GRIK2: variants seen among roughly 807,000 people sequenced by gnomAD.
GRIK2 encodes glutamate ionotropic receptor kainate type subunit 2, also known as glutamate receptor ionotropic, kainate 2.
A neutral mutation model predicts 100.3 loss-of-function variants in GRIK2; 32 were observed. That is an observed-to-expected ratio of 0.32 (90% confidence interval 0.24 to 0.43). The LOEUF (loss-of-function observed/expected upper bound fraction) is 0.43, where lower values mean the gene tolerates loss of function less well. GRIK2 is among the 20% of genes least tolerant of loss of function. The probability of loss-of-function intolerance (pLI) is 1.00; values close to 1 mark genes in which losing one functional copy is unlikely to be tolerated. For missense variants in GRIK2, 843 were observed against 1,114.9 expected, an observed-to-expected ratio of 0.76 and a Z score of 3.47; for synonymous variants, 417 against 389.4, an observed-to-expected ratio of 1.07 and a Z score of -0.83.
intron 14 of GRIK2, among the ~76,000 whole-genome samples, chr6:102,021,286 T>C (rs1236421756): frequency 1.3e-5 from 2 of 151,660 alleles, no homozygotes; most frequent in African/African-American, 4.8e-5. Context: ...ATAAAATCCT[T>C]ATAAGGAAAT....
At chr6:101,989,789 A>C (rs528523633) in intron 14 of GRIK2, among the ~76,000 whole-genome samples, 1 of 151,726 alleles carries the variant, frequency 6.6e-6, no homozygotes, top group South Asian at 2.1e-4. Flanking sequence ...AAAGAAGGCT[A>C]ATAAACTCCT....
intron 11 of GRIK2, among the ~76,000 whole-genome samples, chr6:101,872,023 C>T (rs934204447): frequency 9.2e-5 from 14 of 151,942 alleles, no homozygotes; most frequent in African/African-American, 3.4e-4. Context: ...TCTTCACAGC[C>T]TTGCCAATAT....
chr6:101,656,539 A>C (rs1303819312), intron 4 of GRIK2, among the ~76,000 whole-genome samples: 1 of 152,148 alleles, frequency 6.6e-6, no homozygotes, highest in Non-Finnish European at 1.5e-5. Context: ...AACCTTTACC[A>C]CAAATTTAGT....
rs117414628 is a variant in GRIK2, at chr6:102,069,837, T to C, written c.*1326T>C. ...ATTTTTATCAAGAAAAAAGGAATCATAGAAGAGAAATATTTTCAAGTTAGA... is the reference window on the plus strand; with the variant it reads ...ATTTTTATCAAGAAAAAAGGAATCACAGAAGAGAAATATTTTCAAGTTAGA... On this transcript the variant is annotated 3_prime_UTR_variant, in exon 17 of 17. Coordinates refer to ENST00000369134, the MANE Select transcript of GRIK2 (RefSeq NM_021956.5). The C allele has an allele frequency of 6.6e-6, 1 of 151,998 alleles. No individual in the cohort carries two copies. The highest frequency in any genetic ancestry group is 1.5e-5 in the Non-Finnish European group (1 of 67,948). 9.4% of individuals were successfully genotyped at this position (151,998 alleles called of 1,614,324 possible). A position where few individuals can be genotyped will look rare whatever the true frequency, so the allele number is the denominator to read the frequency against.
intron 10 of GRIK2, among the ~76,000 whole-genome samples, chr6:101,844,916 T>G (rs1287234601): frequency 6.6e-6 from 1 of 152,172 alleles, no homozygotes; most frequent in African/African-American, 2.4e-5. Context: ...TGTGCAGATA[T>G]CACCACTATC....
chr6:101,463,246 A>T (rs1470906138), intron 2 of GRIK2, among the ~76,000 whole-genome samples: 1 of 152,146 alleles, frequency 6.6e-6, no homozygotes, highest in Non-Finnish European at 1.5e-5. Context: ...AAAAAGTATG[A>T]GTTAAAAAAA....
chr6:101,693,768 T>C (rs2128348424), intron 7 of GRIK2, among the ~76,000 whole-genome samples: 1 of 152,172 alleles, frequency 6.6e-6, no homozygotes, highest in Non-Finnish European at 1.5e-5. Context: ...TGTAGGATCA[T>C]ATGCATATAT....
At chr6:101,902,785 G>A (rs1449984985) in intron 12 of GRIK2, among the ~76,000 whole-genome samples, 2 of 151,716 alleles carry the variant, frequency 1.3e-5, no homozygotes, top group East Asian at 3.9e-4. Flanking sequence ...AGATAATTTA[G>A]TTGCAATATT....
intron 12 of GRIK2, among the ~76,000 whole-genome samples, chr6:101,909,855 AT>A (rs1788548137): frequency 6.6e-6 from 1 of 151,264 alleles, no homozygotes; most frequent in East Asian, 1.9e-4. Context: ...GCATTAAGAA[AT>A]AATGCAATTT....
intron 2 of GRIK2, among the ~76,000 whole-genome samples, chr6:101,562,985 G>A (rs554856867): frequency 6.6e-6 from 1 of 152,204 alleles, no homozygotes; most frequent in East Asian, 1.9e-4. Flanking sequence ...CTTGCAATGG[G>A]GCTGTACCTT....
intron 10 of GRIK2, among the ~76,000 whole-genome samples, chr6:101,819,227 A>G (rs993115750): frequency 1.3e-5 from 2 of 152,188 alleles, no homozygotes; most frequent in African/African-American, 4.8e-5. Context: ...AAGCTTATCA[A>G]TGACCATTCT....
chr6:102,068,355 C>T lies in GRIK2; in HGVS notation c.2571C>T (p.Phe857=). ...TCTGTGTTCTTCTGTAGAGGTCCTTCTGTAGTGCCATGGTAGAAGAATTGA... is the reference window on the plus strand; with the variant it reads ...TCTGTGTTCTTCTGTAGAGGTCCTTTTGTAGTGCCATGGTAGAAGAATTGA... ...KKNAQLEKRS[F]CSAMVEELRM... The change falls in exon 17 of 17, where the codon TTC becomes TTT. Residue 857 remains phenylalanine (F), a synonymous_variant. Transcript: ENST00000369134. The T allele has an allele frequency of 2.5e-6, 4 of 1,609,916 alleles. No homozygotes were observed. Among genetic ancestry groups the T allele is most frequent in the Non-Finnish European group, 3.4e-6 (4 of 1,176,976 alleles).
chr6:101,804,913 G>A (rs1453551845), intron 9 of GRIK2, among the ~76,000 whole-genome samples: 1 of 151,910 alleles, frequency 6.6e-6, no homozygotes, highest in African/African-American at 2.4e-5. Context: ...ATGCTGCTAA[G>A]TAGCAAAAAG....
rs143615669 is a variant in GRIK2, at chr6:102,030,505, C to G, written c.2086-4836C>G. ...GATGTGACTTCTAAGAGCTTCACTC[C>G]CCTCAATTAGCCCTTGCTAAAATAA... On this transcript the variant is annotated intron_variant, in intron 14 of 16. Coordinates refer to ENST00000369134, the MANE Select transcript of GRIK2 (RefSeq NM_021956.5). Among the ~76,000 whole-genome samples, 664 of 151,064 alleles carry G rather than the reference C, an allele frequency of 4.4e-3. 4 individuals carry two copies. Among genetic ancestry groups the G allele is most frequent in the Non-Finnish European group, 8.0e-3 (540 of 67,368 alleles).
intron 14 of GRIK2, among the ~76,000 whole-genome samples, chr6:101,953,068 A>T (rs921053012): frequency 1.3e-5 from 2 of 152,170 alleles, no homozygotes; most frequent in Non-Finnish European, 1.5e-5. Flanking sequence ...GCTTTAACTG[A>T]ACTTTCATCT....
At chr6:102,019,109 G>T (rs932643510) in intron 14 of GRIK2, among the ~76,000 whole-genome samples, 2 of 151,968 alleles carry the variant, frequency 1.3e-5, no homozygotes, top group East Asian at 1.9e-4. Context: ...CAAATCAGTT[G>T]GTTATGCTAG....
intron 11 of GRIK2, among the ~76,000 whole-genome samples, chr6:101,865,845 C>T (rs1009729365): frequency 1.1e-4 from 16 of 149,380 alleles, no homozygotes; most frequent in African/African-American, 1.5e-4. Context: ...GCTGAGATCA[C>T]GCCACTAAAC....
At chr6:101,999,634 A>T (rs1223666624) in intron 14 of GRIK2, among the ~76,000 whole-genome samples, 3 of 152,092 alleles carry the variant, frequency 2.0e-5, no homozygotes, top group African/African-American at 7.2e-5. Context: ...GTCTATGGAA[A>T]AAAAAGGTTT....
chr6:101,450,759 G>T lies in GRIK2; in HGVS notation c.115+51367G>T, dbSNP rs562719444. 5.5e-4 allele frequency among the ~76,000 whole-genome samples: 83 copies of T among 151,868 alleles called. 3 individuals carry two copies. In the South Asian group the frequency reaches 0.016, roughly 29 times the overall value. On this transcript the variant is annotated intron_variant, in intron 2 of 16. Transcript: ENST00000369134. The stretch of plus-strand genomic sequence containing the variant: ...ATGACATGAAGGAAAAAGAAAAAAG[G>T]AATAAAATAGAGAAGTAAAGAAAAG...
Sources: gnomAD v4.1 joint callset for allele counts (sites outside exome capture counted in the v4.1 genomes callset) on GRCh38, gnomAD v4.1.1 for gene constraint, MANE v1.5 for transcripts, NCBI Gene and HGNC (gene_info 2026-07-23, HGNC 2026-07-21) for gene names.